Variants in HNMT observed in about 807,000 individuals in gnomAD.
HNMT encodes the protein histamine N-methyltransferase.
Under a neutral mutation model 32.1 loss-of-function variants are expected in HNMT, and 30 were observed. The ratio of observed to expected loss-of-function variants is 0.93; its 90% CI spans 0.70 to 1.27. HNMT has a LOEUF of 1.27. HNMT is among the 50% of genes most tolerant of loss of function. HNMT has a pLI of 0.00. For synonymous variants in HNMT, 125 were observed against 119.0 expected (o/e 1.05, Z -0.33); for missense variants, 327 against 346.0 (o/e 0.95, Z 0.43).
At chr2:137,968,362 A>T (rs913170831) in intron 1 of HNMT, among the ~76,000 whole-genome samples, 4 of 152,242 alleles carry the variant, frequency 2.6e-5, no homozygotes, top group Admixed American at 2.6e-4. Flanking sequence ...CAAAGAGTTA[A>T]TTCACATAAA....
chr2:137,997,597 T>C (rs1440500849), intron 2 of HNMT, among the ~76,000 whole-genome samples: 1 of 152,188 alleles, frequency 6.6e-6, no homozygotes, highest in Non-Finnish European at 1.5e-5. Flanking sequence ...AGTTCAACCA[T>C]TGTGGAAGAC....
chr2:137,982,215 A>G lies in HNMT; in HGVS notation c.190+11998A>G, dbSNP rs371891234. Among the ~76,000 whole-genome samples the G allele has an allele frequency of 1.8e-4, 28 of 152,298 alleles. No individual in the cohort carries two copies. The East Asian group carries it at 3.3e-3, about 18-fold the overall frequency. On this transcript the variant is annotated intron_variant, in intron 2 of 5. Transcript: ENST00000280097. ...ATGCCTTTGGATTTTAAAAAATGCA[A>G]CATTCCTCTGCTATCTTATTAAACG... is the stretch of plus-strand genomic sequence containing the variant.
At chr2:137,984,062 C>G (rs1680581168) in intron 2 of HNMT, among the ~76,000 whole-genome samples, 1 of 152,158 alleles carries the variant, frequency 6.6e-6, no homozygotes, top group African/African-American at 2.4e-5. Flanking sequence ...TCTATGGATT[C>G]TGACTGTTAC....
At chr2:137,966,987 A>G (rs1679977476) in intron 1 of HNMT, 2 of 729,956 alleles carry the variant, frequency 2.7e-6, no homozygotes, top group East Asian at 2.5e-5. Flanking sequence ...GAGACTTTGT[A>G]TGTTTAAAAA....
chr2:138,002,065 G>T lies in HNMT; in HGVS notation c.300G>T (p.Glu100Asp). 6.4e-7 allele frequency: 1 copy of T among 1,568,080 alleles called. No individual in the cohort carries two copies. Among genetic ancestry groups the T allele is most frequent in the South Asian group, 1.2e-5 (1 of 80,792 alleles). Residue 100 changes from glutamate (E) to aspartate (D), a missense_variant and splice_region_variant, in exon 4 of 6, where the codon GAG (glutamate) becomes GAT (aspartate). By Grantham distance (45) the Glu-to-Asp change is conservative. Transcript: ENST00000280097. ...PSAEQIAKYK[E>D]LVAKTSNLEN... ...TGTCACCTCTTCTCTGTATTTTAGA[G>T]CTTGTAGCCAAGACATCGAACCTCG...
intron 2 of HNMT, among the ~76,000 whole-genome samples, chr2:137,970,490 C>T (rs1333511142): frequency 6.6e-6 from 1 of 152,126 alleles, no homozygotes. Flanking sequence ...TTAAGGATAA[C>T]TCTTATCCAA....
intron 2 of HNMT, among the ~76,000 whole-genome samples, chr2:137,981,978 C>T (rs890268547): frequency 1.3e-5 from 2 of 152,098 alleles, no homozygotes; most frequent in Admixed American, 1.3e-4. Context: ...CTCAGCCACC[C>T]GAGTAGCTGA....
chr2:137,978,603 GATATA>G (rs993813998), intron 2 of HNMT, among the ~76,000 whole-genome samples: 4 of 128,996 alleles, frequency 3.1e-5, no homozygotes, highest in Admixed American at 1.7e-4. Context: ...CAATACATAT[GATATA>G]ATATAGTATT....
intron 2 of HNMT, among the ~76,000 whole-genome samples, chr2:137,983,458 T>A (rs1680563558): frequency 1.3e-5 from 2 of 151,962 alleles, no homozygotes; most frequent in African/African-American, 2.4e-5. Flanking sequence ...ACAATATATA[T>A]TGTAGGGAAC....
chr2:138,007,341 A>AT (rs1346165276), intron 5 of HNMT, among the ~76,000 whole-genome samples: 4 of 151,972 alleles, frequency 2.6e-5, no homozygotes, highest in Non-Finnish European at 4.4e-5. Flanking sequence ...ATATAAGTTA[A>AT]TTTTTTTTAA....
intron 1 of HNMT, chr2:137,967,067 A>G (rs368969949): frequency 2.6e-6 from 2 of 780,470 alleles, no homozygotes; most frequent in South Asian, 1.3e-5. Context: ...TGTATAATAG[A>G]TCTAAAGGTA....
rs924567827 is a variant in HNMT at position 138,016,361 on chromosome 2, C to T, written c.*2231C>T. ...TATGTGTTGCCAGTGTAAACCTTAA[C>T]TTATTTAGGACTCTTTCAGACACTT... On this transcript the variant is annotated 3_prime_UTR_variant, in exon 6 of 6. Transcript: ENST00000280097. 1 of 152,044 alleles carries T rather than the reference C, an allele frequency of 6.6e-6. No individual in the cohort carries two copies. Among genetic ancestry groups the T allele is most frequent in the African/African-American group, 2.4e-5 (1 of 41,382 alleles). 9.4% of individuals were successfully genotyped at this position (152,044 alleles called of 1,614,324 possible). A position where few individuals can be genotyped will look rare whatever the true frequency, so the allele number is the denominator to read the frequency against.
chr2:137,979,455 T>C (rs946562857), intron 2 of HNMT, among the ~76,000 whole-genome samples: 1 of 151,916 alleles, frequency 6.6e-6, no homozygotes, highest in Non-Finnish European at 1.5e-5. Context: ...GGTTTCACCC[T>C]GTTAGCCAAG....
At chr2:138,010,714 A>G (rs1175049534) in intron 5 of HNMT, among the ~76,000 whole-genome samples, 1 of 152,108 alleles carries the variant, frequency 6.6e-6, no homozygotes, top group African/African-American at 2.4e-5. Flanking sequence ...AACTAGTAGA[A>G]GTTCCTGATA....
At chr2:137,993,189 G>T (rs368450175) in intron 2 of HNMT, among the ~76,000 whole-genome samples, 12 of 152,160 alleles carry the variant, frequency 7.9e-5, no homozygotes, top group African/African-American at 2.7e-4. Context: ...TAACAGAACT[G>T]GAGGGAGGAT....
intron 1 of HNMT, among the ~76,000 whole-genome samples, chr2:137,966,679 G>GAT (rs904852006): frequency 6.6e-5 from 10 of 152,132 alleles, no homozygotes; most frequent in Non-Finnish European, 7.4e-5. Flanking sequence ...TCCCCAAGCA[G>GAT]ATATATTAAT....
At chr2:137,969,903 C>T (rs114615175) in intron 1 of HNMT, among the ~76,000 whole-genome samples, 1,595 of 152,244 alleles carry the variant, frequency 0.01, 23 homozygotes, top group African/African-American at 0.036. Context: ...CAAGCCATAA[C>T]CAAACAAATG....
At chr2:138,006,599 G>A (rs1681337973) in intron 5 of HNMT, among the ~76,000 whole-genome samples, 1 of 151,954 alleles carries the variant, frequency 6.6e-6, no homozygotes, top group African/African-American at 2.4e-5. Flanking sequence ...CTGATTAAGT[G>A]CCCTTATGGC....
At chr2:138,008,881 A>G (rs1681411884) in intron 5 of HNMT, among the ~76,000 whole-genome samples, 1 of 152,038 alleles carries the variant, frequency 6.6e-6, no homozygotes, top group Admixed American at 6.6e-5. Context: ...AAAGACACTA[A>G]AATCAATAAA....
Sources: gnomAD v4.1 joint callset for allele counts (sites outside exome capture counted in the v4.1 genomes callset) on GRCh38, gnomAD v4.1.1 for gene constraint, MANE v1.5 for transcripts, NCBI Gene and HGNC (gene_info 2026-07-23, HGNC 2026-07-21) for gene names.